The following BIRC6 variants were observed in gnomAD, a reference collection of about 807,000 sequenced individuals.
BIRC6 encodes dual E2 ubiquitin-conjugating enzyme/E3 ubiquitin-protein ligase BIRC6.
BIRC6 carries 98 observed loss-of-function variants against 503.3 expected under a neutral mutation model. The observed-to-expected ratio is 0.19, with a 90% CI of 0.17 to 0.23. BIRC6 has a LOEUF of 0.23. Among genes scored for constraint, BIRC6 ranks in the 10% least tolerant of loss-of-function variants. The probability of loss-of-function intolerance (pLI) is 1.00; values close to 1 mark genes in which losing one functional copy is unlikely to be tolerated. For synonymous variants in BIRC6, 2,240 were observed against 2,078.7 expected, an observed-to-expected ratio of 1.08 and a Z score of -2.11; for missense variants, 5,360 against 5,806.0, an observed-to-expected ratio of 0.92 and a Z score of 2.50.
At chr2:32,520,618 G>T (rs561533084) in intron 57 of BIRC6, among the ~76,000 whole-genome samples, 1 of 152,282 alleles carries the variant, frequency 6.6e-6, no homozygotes, top group South Asian at 2.1e-4. Flanking sequence ...AGGAGTTTCA[G>T]ACCAGCCCTG....
chr2:32,492,736 T>C (rs1232841211), intron 44 of BIRC6, among the ~76,000 whole-genome samples: 1 of 152,074 alleles, frequency 6.6e-6, no homozygotes, highest in African/African-American at 2.4e-5. Flanking sequence ...GATCAAGCTT[T>C]CCTACTGATA....
intron 62 of BIRC6, among the ~76,000 whole-genome samples, chr2:32,544,494 T>C (rs938296417): frequency 2.0e-5 from 3 of 150,294 alleles, no homozygotes; most frequent in Admixed American, 1.3e-4. Flanking sequence ...TCTTCTTCTT[T>C]TTTTTTTTTG....
chr2:32,464,387 T>C (rs2048311399), intron 24 of BIRC6, 122 bp from the exon 25 acceptor site: 11 of 1,237,610 alleles, frequency 8.9e-6, no homozygotes, highest in South Asian at 1.7e-5. Flanking sequence ...TTGATTTAAT[T>C]TCATCTTTAA....
At chr2:32,561,563 G>A (rs116724049) in intron 65 of BIRC6, among the ~76,000 whole-genome samples, 3,790 of 151,416 alleles carry the variant, frequency 0.025, 67 homozygotes, top group African/African-American at 0.06. Flanking sequence ...TTTCTAATTA[G>A]TATTCATTAA....
At chr2:32,465,185 A>ATTTTTTTTTTTTT in intron 26 of BIRC6, 21 bp downstream of exon 26, 4 of 847,166 alleles carry the variant, frequency 4.7e-6, no homozygotes, top group South Asian at 2.2e-5. Context: ...ACTTTCTTAA[A>ATTTTTTTTTTTTT]TTTTTTTTTT....
intron 65 of BIRC6, among the ~76,000 whole-genome samples, chr2:32,550,506 A>T (rs2058352778): frequency 6.6e-6 from 1 of 152,114 alleles, no homozygotes; most frequent in Admixed American, 6.5e-5. Flanking sequence ...TAAAAAGTAG[A>T]TGTCAAATGC....
chr2:32,395,402 T>A, intron 5 of BIRC6, 109 bp from the exon 6 acceptor site: 1 of 812,064 alleles, frequency 1.2e-6, no homozygotes. Context: ...TTTCTTATTT[T>A]CAGTATAGAA....
intron 9 of BIRC6, among the ~76,000 whole-genome samples, chr2:32,413,032 G>A (rs1455597097): frequency 6.7e-6 from 1 of 149,690 alleles, no homozygotes; most frequent in African/African-American, 2.5e-5. Flanking sequence ...TTTGGAGACA[G>A]TCTCACTCTT....
At position 32,439,578 on chromosome 2, in the gene BIRC6, G is replaced by C. The variant is rs1348300486; in HGVS notation, c.3702G>C (p.Glu1234Asp). The change falls in exon 16 of 74, where the codon GAG becomes GAC. Residue 1234 changes from glutamate (E) to aspartate (D), a missense_variant. This residue lies in a region of BIRC6 where 2,299 missense variants were observed against 2,267.2 expected (regional missense o/e 1.01). Coordinates refer to ENST00000421745, the MANE Select transcript of BIRC6 (RefSeq NM_016252.4). Reference sequence around the variant, plus strand: ...CAGTGAATGAAAGAGGAACAGAAGAGATTTGTAATGGTGGTATGCGTCCTG... The same window carrying C: ...CAGTGAATGAAAGAGGAACAGAAGACATTTGTAATGGTGGTATGCGTCCTG... ...VKAVNERGTE[E>D]ICNGGMRPVV... The C allele has an allele frequency of 6.2e-7, 1 of 1,613,910 alleles. No homozygotes were observed. The highest frequency in any genetic ancestry group is 2.2e-5 in the East Asian group (1 of 44,862).
At chr2:32,516,509 C>CTA in intron 55 of BIRC6, among the ~76,000 whole-genome samples, 1 of 137,130 alleles carries the variant, frequency 7.3e-6, no homozygotes, top group Non-Finnish European at 1.5e-5. Context: ...AAGCGAGACT[C>CTA]TGTCTCAAAA....
chr2:32,487,367 G>GA (rs919238850), intron 40 of BIRC6, among the ~76,000 whole-genome samples: 3 of 151,910 alleles, frequency 2.0e-5, no homozygotes, highest in Non-Finnish European at 2.9e-5. Context: ...TTATTAATTG[G>GA]AAAAAAATGC....
At chr2:32,375,225 T>C (rs1007424709) in intron 1 of BIRC6, among the ~76,000 whole-genome samples, 3 of 152,196 alleles carry the variant, frequency 2.0e-5, no homozygotes, top group Non-Finnish European at 4.4e-5. Context: ...TTTATTTCTT[T>C]TTGATTTGTT....
In BIRC6 at chr2:32,607,534, C is replaced by A. The variant is rs1393157092; in HGVS notation, c.14150C>A (p.Thr4717Asn). The A allele has an allele frequency of 6.2e-7, 1 of 1,613,778 alleles. No individual in the cohort carries two copies. Among genetic ancestry groups the A allele is most frequent in the Admixed American group, 1.7e-5 (1 of 60,000 alleles). ...NEPGYERSRG[T>N]PSGTQSSREY... ...CCGGGATATGAACGGTCTAGAGGCA[C>A]TCCCAGTGGCACACAGAGTTCTCGA... The change falls in exon 72 of 74, where the codon ACT becomes AAT. Residue 4717 changes from threonine to asparagine, a missense_variant. By Grantham distance (65) the Thr-to-Asn change is moderately conservative. This residue lies in a region of BIRC6 where 40 missense variants were observed against 53.4 expected (regional missense o/e 0.75). Transcript: ENST00000421745.
At chr2:32,568,898 G>A (rs751630217) in intron 65 of BIRC6, among the ~76,000 whole-genome samples, 8 of 150,228 alleles carry the variant, frequency 5.3e-5, no homozygotes, top group Middle Eastern at 3.3e-3. Flanking sequence ...TGGGGTTTTA[G>A]TGTACCCATC....
chr2:32,389,496 C>A (rs908458794), intron 4 of BIRC6, among the ~76,000 whole-genome samples: 1 of 151,898 alleles, frequency 6.6e-6, no homozygotes, highest in Admixed American at 6.6e-5. Context: ...CCATCATTTT[C>A]TTTGGTAGAG....
intron 58 of BIRC6, 37 bp downstream of exon 58, chr2:32,525,056 G>C: frequency 7.0e-7 from 1 of 1,427,114 alleles, no homozygotes; most frequent in African/African-American, 1.5e-5. Flanking sequence ...GATTTTGTTT[G>C]GGTTTCTATA....
Position 32,445,582 on chromosome 2 carries a change from C to T in BIRC6, c.4398C>T (p.Cys1466=). Residue 1466 remains cysteine (C), a synonymous_variant, in exon 21 of 74, where the codon TGC becomes TGT. Coordinates refer to ENST00000421745, the MANE Select transcript of BIRC6 (RefSeq NM_016252.4). ...NYVKDEDLAG[C]STACASLLTA... Reference sequence around the variant, plus strand: ...TGAAAGATGAAGATCTGGCTGGATGCAGTACAGCTTGTGCATCTTTGCTTA... The same window carrying T: ...TGAAAGATGAAGATCTGGCTGGATGTAGTACAGCTTGTGCATCTTTGCTTA... The T allele has an allele frequency of 6.2e-7, 1 of 1,605,918 alleles. No individual in the cohort carries two copies. Among genetic ancestry groups the T allele is most frequent in the Non-Finnish European group, 8.5e-7 (1 of 1,175,780 alleles).
At position 32,433,597 on chromosome 2, in the gene BIRC6, G is replaced by A. The variant is rs376666347; in HGVS notation, c.3249-47G>A. On this transcript the variant is annotated intron_variant, in intron 12 of 73. Coordinates refer to ENST00000421745, the MANE Select transcript of BIRC6 (RefSeq NM_016252.4). ...CCTTAATGATAATATGGTTGTGGCTGAAGAAAGATTTTTGCTTTATTTAGC... is the reference window on the plus strand; with the variant it reads ...CCTTAATGATAATATGGTTGTGGCTAAAGAAAGATTTTTGCTTTATTTAGC... The A allele has an allele frequency of 8.2e-5, 120 of 1,462,292 alleles. No individual in the cohort carries two copies. The African/African-American group carries it at 1.5e-3, about 18-fold the overall frequency. The allele number at this position is 1,462,292 out of a possible 1,614,324, so 90.6% of individuals were successfully genotyped here.
At position 32,415,559 on chromosome 2, in the gene BIRC6, C is replaced by G. The variant is rs750917605; in HGVS notation, c.2268C>G (p.Ser756=). The change falls in exon 10 of 74, where the codon TCC becomes TCG. Residue 756 remains serine, a synonymous_variant. Coordinates refer to ENST00000421745, the MANE Select transcript of BIRC6 (RefSeq NM_016252.4). ...LVGLRTCPVE[S]LSAINQVEAL... ...GACTGCGGACATGCCCTGTTGAATC[C>G]TTGAGTGCAATAAATCAAGTAGAGG... 3 of 1,613,934 alleles carry G rather than the reference C, an allele frequency of 1.9e-6. No homozygotes were observed. In the South Asian group the frequency reaches 3.3e-5, roughly 18 times the overall value.
Sources: gnomAD v4.1 joint callset for allele counts (sites outside exome capture counted in the v4.1 genomes callset) on GRCh38, gnomAD v4.1.1 for gene constraint, gnomAD v4.1.1 regional missense constraint, MANE v1.5 for transcripts, NCBI Gene and HGNC (gene_info 2026-07-23, HGNC 2026-07-21) for gene names.